CHST9: variants seen among roughly 807,000 people sequenced by gnomAD.
The protein encoded by CHST9 is carbohydrate sulfotransferase 9, also known as GalNAc-4-sulfotransferase 2.
Under a neutral mutation model 44.4 loss-of-function variants are expected in CHST9, and 41 were observed. The ratio of observed to expected loss-of-function variants is 0.92; its 90% CI spans 0.72 to 1.20. CHST9 has a LOEUF of 1.20. CHST9 is among the 50% of genes most tolerant of loss of function. CHST9 has a pLI of 0.00. For synonymous variants in CHST9, 171 were observed against 178.4 expected (o/e 0.96, Z 0.33); for missense variants, 504 against 516.5 (o/e 0.98, Z 0.23).
intron 4 of CHST9, among the ~76,000 whole-genome samples, chr18:26,970,006 A>G (rs904409700): frequency 6.6e-6 from 1 of 152,152 alleles, no homozygotes; most frequent in African/African-American, 2.4e-5. Context: ...CCTTTCCCAC[A>G]TGACCCATTG....
intron 4 of CHST9, among the ~76,000 whole-genome samples, chr18:26,985,565 A>AC (rs773138198): frequency 5.9e-4 from 90 of 152,308 alleles, no homozygotes; most frequent in Non-Finnish European, 1.0e-3. Context: ...AGTTTAAGGG[A>AC]CAAATATGAG....
In CHST9 at chr18:27,090,511, A is replaced by G. The variant is rs181742115; in HGVS notation, c.122-42008T>C. On this transcript the variant is annotated intron_variant, in intron 2 of 5. Transcript: ENST00000618847. Reference sequence around the variant, plus strand: ...ATTGCTTTTGGTGTTTTAGTCATGAAGTCCTTGCCCATGCCTATGTCCTGA... The same window carrying G: ...ATTGCTTTTGGTGTTTTAGTCATGAGGTCCTTGCCCATGCCTATGTCCTGA... 1.8e-4 allele frequency among the ~76,000 whole-genome samples: 28 copies of G among 152,272 alleles called. No homozygotes were observed. The East Asian group carries it at 5.4e-3, about 29-fold the overall frequency.
chr18:27,089,864 G>A (rs187921313), intron 2 of CHST9, among the ~76,000 whole-genome samples: 1 of 147,568 alleles, frequency 6.8e-6, no homozygotes, highest in East Asian at 2.0e-4. Flanking sequence ...AGGCTGGAGT[G>A]CAGTCACGCG....
chr18:27,010,355 C>T (rs1002340035), intron 4 of CHST9, among the ~76,000 whole-genome samples: 2 of 152,110 alleles, frequency 1.3e-5, no homozygotes, highest in Non-Finnish European at 2.9e-5. Context: ...TCCCTGTGTT[C>T]TTGTCTACTG....
At chr18:27,053,181 A>AGAAGAAGAAGAG (rs2057595715) in intron 2 of CHST9, among the ~76,000 whole-genome samples, 2 of 147,680 alleles carry the variant, frequency 1.4e-5, no homozygotes, top group African/African-American at 5.0e-5. Flanking sequence ...AAGAAGAAGA[A>AGAAGAAGAAGAG]GAAGAAGAAG....
rs900834986 is a variant in CHST9, at chr18:26,912,760, T to C, written c.*3499A>G. The C allele has an allele frequency of 1.3e-5, 2 of 152,218 alleles. No individual in the cohort carries two copies. Among genetic ancestry groups the C allele is most frequent in the African/African-American group, 4.8e-5 (2 of 41,452 alleles). The allele number at this position is 152,218 out of a possible 1,614,324, so 9.4% of individuals were successfully genotyped here. A position where few individuals can be genotyped will look rare whatever the true frequency, so the allele number is the denominator to read the frequency against. Reference sequence around the variant, plus strand: ...TGCCTGACACCCAGTAAGTATTGAATAAATGTTAGCTAGGATCATGCATAC... The same window carrying C: ...TGCCTGACACCCAGTAAGTATTGAACAAATGTTAGCTAGGATCATGCATAC... On this transcript the variant is annotated 3_prime_UTR_variant, in exon 6 of 6. Coordinates refer to ENST00000618847, the MANE Select transcript of CHST9 (RefSeq NM_031422.6).
intron 4 of CHST9, among the ~76,000 whole-genome samples, chr18:26,988,205 A>C (rs1464552320): frequency 2.0e-5 from 3 of 152,130 alleles, no homozygotes; most frequent in Non-Finnish European, 4.4e-5. Context: ...ATTTAAATTA[A>C]CCATATCAAT....
intron 1 of CHST9, among the ~76,000 whole-genome samples, chr18:27,144,845 GAGCCCTCCTGTC>G (rs1161201796): frequency 7.9e-5 from 12 of 152,052 alleles, no homozygotes; most frequent in African/African-American, 2.9e-4. Context: ...GACTCAATGG[GAGCCCTCCTGTC>G]AACCCTGCGT....
intron 4 of CHST9, among the ~76,000 whole-genome samples, chr18:26,944,651 G>C (rs1490688818): frequency 2.0e-5 from 3 of 152,186 alleles, no homozygotes; most frequent in Non-Finnish European, 4.4e-5. Flanking sequence ...ATGATGAAGA[G>C]ATGAAAAGGA....
chr18:27,109,444 C>T (rs1466287201), intron 2 of CHST9, among the ~76,000 whole-genome samples: 1 of 152,126 alleles, frequency 6.6e-6, no homozygotes, highest in African/African-American at 2.4e-5. Flanking sequence ...TGGATTTATG[C>T]GGCAAAATAC....
chr18:26,943,763 A>G (rs1013109891), intron 5 of CHST9, among the ~76,000 whole-genome samples: 17 of 152,200 alleles, frequency 1.1e-4, no homozygotes, highest in Non-Finnish European at 8.8e-5. Context: ...ATAGAAGGAC[A>G]CCATCTACCT....
chr18:27,165,091 G>A (rs544720516), intron 1 of CHST9, among the ~76,000 whole-genome samples: 114 of 152,316 alleles, frequency 7.5e-4, no homozygotes, highest in Non-Finnish European at 8.8e-4. Context: ...TGTGTAACAG[G>A]TGTAGAGAGC....
intron 5 of CHST9, among the ~76,000 whole-genome samples, chr18:26,930,343 A>C (rs1198824700): frequency 6.6e-6 from 1 of 152,232 alleles, no homozygotes; most frequent in Non-Finnish European, 1.5e-5. Flanking sequence ...ATAGAATTAC[A>C]CTAGCAGCAA....
intron 4 of CHST9, among the ~76,000 whole-genome samples, chr18:27,016,205 C>A (rs2057152347): frequency 6.6e-6 from 1 of 152,220 alleles, no homozygotes; most frequent in Non-Finnish European, 1.5e-5. Flanking sequence ...TTATAAGCTG[C>A]TGAAAGGCAG....
intron 2 of CHST9, among the ~76,000 whole-genome samples, chr18:27,074,781 G>C (rs1047986928): frequency 6.1e-5 from 9 of 148,494 alleles, no homozygotes; most frequent in Admixed American, 2.7e-4. Context: ...ACATTTATAT[G>C]TAATCTTAAT....
chr18:27,021,179 T>G (rs1314280506), intron 4 of CHST9, among the ~76,000 whole-genome samples: 1 of 150,952 alleles, frequency 6.6e-6, no homozygotes, highest in Non-Finnish European at 1.5e-5. Flanking sequence ...GGGTGGGAGG[T>G]GAGAGGGTAG....
chr18:27,165,638 T>C (rs1042512450), intron 1 of CHST9, among the ~76,000 whole-genome samples: 4 of 152,172 alleles, frequency 2.6e-5, no homozygotes, highest in African/African-American at 9.7e-5. Context: ...CTTGTCTGTC[T>C]CCAAATTACA....
intron 4 of CHST9, among the ~76,000 whole-genome samples, chr18:26,975,801 G>T (rs1314214871): frequency 7.2e-6 from 1 of 139,292 alleles, no homozygotes; most frequent in Non-Finnish European, 1.5e-5. Flanking sequence ...TGGACACTTG[G>T]GTTGATTCTA....
chr18:27,133,070 T>G (rs1029687314), intron 2 of CHST9, among the ~76,000 whole-genome samples: 2 of 152,170 alleles, frequency 1.3e-5, no homozygotes, highest in African/African-American at 4.8e-5. Flanking sequence ...TCCCATCCCC[T>G]GGACGATAAA....
Sources: allele counts gnomAD v4.1 joint callset (sites outside exome capture counted in the v4.1 genomes callset), GRCh38; gene constraint gnomAD v4.1.1; transcripts MANE v1.5; gene names NCBI Gene and HGNC (gene_info 2026-07-23, HGNC 2026-07-21).